Variants in ZBTB7A observed in about 807,000 individuals in gnomAD.
The protein encoded by ZBTB7A is zinc finger and BTB domain containing 7A.
Under a neutral mutation model 26.7 loss-of-function variants are expected in ZBTB7A, and 7 were observed. The observed-to-expected ratio is 0.26, with a 90% confidence interval of 0.15 to 0.49. The LOEUF (loss-of-function observed/expected upper bound fraction) is 0.49. Ranked by LOEUF, ZBTB7A falls within the 20% of genes least tolerant of loss-of-function variation. The pLI is 0.98. For synonymous variants in ZBTB7A, 452 were observed against 441.0 expected, an observed-to-expected ratio of 1.02 and a Z score of -0.31; for missense variants, 617 against 919.5, an observed-to-expected ratio of 0.67 and a Z score of 4.25.
Position 4,047,677 on chromosome 19 carries a change from G to A in ZBTB7A, c.*75C>T. On this transcript the variant is annotated 3_prime_UTR_variant, in exon 3 of 3. Coordinates refer to ENST00000322357, the MANE Select transcript of ZBTB7A (RefSeq NM_015898.4). Reference sequence around the variant, plus strand: ...TAGATTTTCTTTTTTTGTGTTTTTGGGGGGGTGGTGGGTGATTTTTTTTCT... The same window carrying A: ...TAGATTTTCTTTTTTTGTGTTTTTGAGGGGGTGGTGGGTGATTTTTTTTCT... 2.0e-6 allele frequency: 3 copies of A among 1,511,492 alleles called. No individual in the cohort carries two copies. Among genetic ancestry groups the A allele is most frequent in the Non-Finnish European group, 2.7e-6 (3 of 1,128,970 alleles). 93.6% of individuals were successfully genotyped at this position (1,511,492 alleles called of 1,614,324 possible).
rs1251984776 is a variant in ZBTB7A, at chr19:4,052,545, G to A, written c.1262+1426C>T. On this transcript the variant is annotated intron_variant, in intron 2 of 2. Transcript: ENST00000322357. The surrounding 1 kb of genome is among the most constrained non-coding windows in gnomAD (Gnocchi z 4.9). ...GGTCAGTCCCAGTTCCTGTCCCCAC[G>A]GGGTGGGGTTGGGAAGCTGGGACAA... Among the ~76,000 whole-genome samples, 1 of 152,146 alleles carries A rather than the reference G, an allele frequency of 6.6e-6. No individual in the cohort carries two copies.
chr19:4,062,133 G>A (rs527514192), intron 1 of ZBTB7A: 4 of 152,368 alleles, frequency 2.6e-5, no homozygotes, highest in East Asian at 1.9e-4. Flanking sequence ...TGCAGAATCC[G>A]GCCAGATCCT....
At chr19:4,065,399 C>T (rs1434009382) in intron 1 of ZBTB7A, 1 of 145,406 alleles carries the variant, frequency 6.9e-6, no homozygotes, top group African/African-American at 2.5e-5. Context: ...CCGCGGTCCC[C>T]CGCCGCCTCG....
At chr19:4,057,380 C>T (rs950378066) in intron 1 of ZBTB7A, among the ~76,000 whole-genome samples, 10 of 152,212 alleles carry the variant, frequency 6.6e-5, no homozygotes, top group South Asian at 6.2e-4. Context: ...CACTCTGAGG[C>T]GCTACAGGAG....
intron 2 of ZBTB7A, among the ~76,000 whole-genome samples, chr19:4,051,124 A>AAAAAAAG (rs10690627): frequency 1.5e-5 from 2 of 136,020 alleles, no homozygotes; most frequent in African/African-American, 5.2e-5. Flanking sequence ...AAAAAAAAAA[A>AAAAAAAG]GTAGGTGTCT....
chr19:4,049,896 C>T (rs1444095967), intron 2 of ZBTB7A, among the ~76,000 whole-genome samples: 1 of 152,182 alleles, frequency 6.6e-6, no homozygotes, highest in Non-Finnish European at 1.5e-5. Flanking sequence ...GCCCTGTCTC[C>T]ATCCTCCTGT....
chr19:4,046,618 C>G lies in ZBTB7A; in HGVS notation c.*1134G>C, dbSNP rs1302282546. ...TCATTTTGTAAAACCTTTTTTTTTT[C>G]TAGTTTGTTTTATTGCTTTTGTGAC... On this transcript the variant is annotated 3_prime_UTR_variant, in exon 3 of 3. Coordinates refer to ENST00000322357, the MANE Select transcript of ZBTB7A (RefSeq NM_015898.4). 1.3e-5 allele frequency: 1 copy of G among 79,978 alleles called. No individual in the cohort carries two copies. The highest frequency in any genetic ancestry group is 5.0e-5 in the African/African-American group (1 of 19,830). 5.0% of individuals were successfully genotyped at this position (79,978 alleles called of 1,614,324 possible).
At position 4,054,695 on chromosome 19, in the gene ZBTB7A, C is replaced by A. The variant is rs766023903; in HGVS notation, c.538G>T (p.Ala180Ser). The change falls in exon 2 of 3, where the codon GCT becomes TCT. Residue 180 changes from alanine (A) to serine (S), a missense_variant. Ala to Ser is a moderately conservative substitution (Grantham distance 99, BLOSUM62 1). Coordinates refer to ENST00000322357, the MANE Select transcript of ZBTB7A (RefSeq NM_015898.4). ...NSLPPAAAAA[A>S]ASFPWSAFGA... ...AAGGCGGACCACGGGAAGCTGGCAG[C>A]GGCGGCGGCGGCCGCGGGGGGCAGG... 3 of 1,582,688 alleles carry A rather than the reference C, an allele frequency of 1.9e-6. No homozygotes were observed. The highest frequency in any genetic ancestry group is 2.3e-5 in the East Asian group (1 of 43,096).
In ZBTB7A at chr19:4,054,198, G is replaced by C. The variant is rs1310378777; in HGVS notation, c.1035C>G (p.Asp345Glu). ...TCAGGTAGTAGTCCATGACGCCCTT[G>C]TCGTCGGCCCGCGACTCCTCGTCGC... ...GDSDEESRAD[D>E]KGVMDYYLKY... The change falls in exon 2 of 3, where the codon GAC becomes GAG. Residue 345 changes from aspartate to glutamate, a missense_variant. By Grantham distance (45) the Asp-to-Glu change is conservative. Coordinates refer to ENST00000322357, the MANE Select transcript of ZBTB7A (RefSeq NM_015898.4). 6.3e-7 allele frequency: 1 copy of C among 1,591,442 alleles called. No homozygotes were observed. The highest frequency in any genetic ancestry group is 1.1e-5 in the South Asian group (1 of 90,432).
At chr19:4,053,438 C>T (rs1311526849) in intron 2 of ZBTB7A, among the ~76,000 whole-genome samples, 4 of 151,620 alleles carry the variant, frequency 2.6e-5, no homozygotes, top group Admixed American at 6.6e-5. Context: ...TGCGCATGTA[C>T]GTGTCTGTGT....
intron 1 of ZBTB7A, chr19:4,065,358 C>CCCCGGCCGCAGCGCGCGGCCCCCG: frequency 6.9e-6 from 1 of 145,692 alleles, no homozygotes; most frequent in East Asian, 2.0e-4. Context: ...CCCTCCCCCG[C>CCCCGGCCGCAGCGCGCGGCCCCCG]CCCGGCCGCA....
intron 2 of ZBTB7A, among the ~76,000 whole-genome samples, chr19:4,049,200 ATATATATATGT>A (rs1306453469): frequency 0.017 from 749 of 44,520 alleles, 57 homozygotes; most frequent in East Asian, 0.13. Context: ...ATATATATAT[ATATATATATGT>A]AAGTTTGAGA....
chr19:4,065,357 G>T (rs938176131), intron 1 of ZBTB7A: 2 of 144,864 alleles, frequency 1.4e-5, no homozygotes, highest in Admixed American at 1.4e-4. Context: ...CCCCTCCCCC[G>T]CCCCGGCCGC....
In ZBTB7A at chr19:4,052,388, G is replaced by A. The variant is rs1413056740; in HGVS notation, c.1262+1583C>T. Among the ~76,000 whole-genome samples, 1 of 152,092 alleles carries A rather than the reference G, an allele frequency of 6.6e-6. No homozygotes were observed. Among genetic ancestry groups the A allele is most frequent in the Non-Finnish European group, 1.5e-5 (1 of 67,996 alleles). On this transcript the variant is annotated intron_variant, in intron 2 of 2. Transcript: ENST00000322357. The surrounding 1 kb of genome is among the most constrained non-coding windows in gnomAD (Gnocchi z 4.9). ...CAGTACCCCAACCTCACCAAGGAGGGACAAACCACCAGCTACACTGCCTGC... is the reference window on the plus strand; with the variant it reads ...CAGTACCCCAACCTCACCAAGGAGGAACAAACCACCAGCTACACTGCCTGC...
At chr19:4,061,024 G>A (rs2040632705) in intron 1 of ZBTB7A, among the ~76,000 whole-genome samples, 1 of 152,160 alleles carries the variant, frequency 6.6e-6, no homozygotes, top group Non-Finnish European at 1.5e-5. Flanking sequence ...CTGAGCCTCT[G>A]TCTCCTGGGG....
chr19:4,048,336 T>C lies in ZBTB7A; in HGVS notation c.1263-92A>G. 1 of 1,420,846 alleles carries C rather than the reference T, an allele frequency of 7.0e-7. No homozygotes were observed. The highest frequency in any genetic ancestry group is 9.2e-7 in the Non-Finnish European group (1 of 1,092,658). 88.0% of individuals were successfully genotyped at this position (1,420,846 alleles called of 1,614,324 possible). A position where few individuals can be genotyped will look rare whatever the true frequency, so the allele number is the denominator to read the frequency against. ...CCTCACGGACACGGCAGGCCCTGGATCATCACCCTTGCAGAACACGGACCG... is the reference window on the plus strand; with the variant it reads ...CCTCACGGACACGGCAGGCCCTGGACCATCACCCTTGCAGAACACGGACCG... On this transcript the variant is annotated intron_variant, in intron 2 of 2. Coordinates refer to ENST00000322357, the MANE Select transcript of ZBTB7A (RefSeq NM_015898.4). This position sits in a 1 kb window ranked among gnomAD's most constrained non-coding sequence, Gnocchi z 6.7.
chr19:4,058,104 C>T (rs2040600937), intron 1 of ZBTB7A, among the ~76,000 whole-genome samples: 1 of 152,216 alleles, frequency 6.6e-6, no homozygotes, highest in Non-Finnish European at 1.5e-5. Context: ...CGTGGGTGTG[C>T]CCCGTCCGGA....
chr19:4,056,449 C>T (rs909224694), intron 1 of ZBTB7A, among the ~76,000 whole-genome samples: 4 of 152,176 alleles, frequency 2.6e-5, no homozygotes, highest in Admixed American at 6.5e-5. Context: ...CTTTGAGGCC[C>T]GGCTCGGTGC....
intron 1 of ZBTB7A, among the ~76,000 whole-genome samples, chr19:4,064,767 G>A (rs970269445): frequency 1.3e-5 from 2 of 152,142 alleles, no homozygotes; most frequent in Non-Finnish European, 2.9e-5. Flanking sequence ...GGGTGGCAGG[G>A]GCACCAGCAC....
Sources: allele counts gnomAD v4.1 joint callset (sites outside exome capture counted in the v4.1 genomes callset), GRCh38; gene constraint gnomAD v4.1.1; non-coding constraint Gnocchi (gnomAD v3.1); transcripts MANE v1.5; gene names NCBI Gene and HGNC (gene_info 2026-07-23, HGNC 2026-07-21).